The following GLG1 variants were observed in gnomAD, a reference collection of about 807,000 sequenced individuals.
GLG1 encodes the protein golgi glycoprotein 1.
GLG1 carries 38 observed loss-of-function variants against 160.5 expected under a neutral mutation model. The ratio of observed to expected loss-of-function variants is 0.24; its 90% CI spans 0.18 to 0.31. GLG1 has a LOEUF of 0.31. Among genes scored for constraint, GLG1 ranks in the 10% least tolerant of loss-of-function variants. GLG1 has a pLI of 1.00. For missense variants in GLG1, 1,373 were observed against 1,505.2 expected (o/e 0.91, Z 1.45); for synonymous variants, 644 against 543.4 (o/e 1.19, Z -2.57).
In GLG1 at chr16:74,469,131, G is replaced by C. The variant is rs994412470; in HGVS notation, c.2319-68C>G. 4.1e-6 allele frequency: 4 copies of C among 965,258 alleles called. No individual in the cohort carries two copies. In the African/African-American group the frequency reaches 6.4e-5, roughly 15 times the overall value. The allele number at this position is 965,258 out of a possible 1,614,324, so 59.8% of individuals were successfully genotyped here. A position where few individuals can be genotyped will look rare whatever the true frequency, so the allele number is the denominator to read the frequency against. ...GGCAGATGGCCTGAGAGCTGGGCTT[G>C]GGGGGGGTCACACCATTAAGAATTC... On this transcript the variant is annotated intron_variant, in intron 16 of 25. Transcript: ENST00000422840.
intron 13 of GLG1, 27 bp downstream of exon 13, chr16:74,474,519 C>G (rs778107147): frequency 2.8e-6 from 3 of 1,087,120 alleles, no homozygotes; most frequent in Admixed American, 3.4e-5. Flanking sequence ...CCACTCTCCT[C>G]CAATGAGTAA....
chr16:74,564,866 A>T (rs1422956390), intron 1 of GLG1, among the ~76,000 whole-genome samples: 3 of 152,200 alleles, frequency 2.0e-5, no homozygotes, highest in Non-Finnish European at 2.9e-5. Flanking sequence ...CTTTCCTAAA[A>T]ACAAGAGATC....
intron 16 of GLG1, chr16:74,469,416 C>T (rs2015118312): frequency 4.2e-6 from 1 of 239,482 alleles, no homozygotes; most frequent in Non-Finnish European, 8.2e-6. Context: ...GAAACTCACT[C>T]CTGAAAGGTA....
chr16:74,556,628 G>C (rs2018360880), intron 1 of GLG1, among the ~76,000 whole-genome samples: 1 of 151,834 alleles, frequency 6.6e-6, no homozygotes, highest in South Asian at 2.1e-4. Context: ...AGGCTGCAGT[G>C]AGCTAGGATT....
At chr16:74,500,879 G>A (rs1031688416) in intron 4 of GLG1, among the ~76,000 whole-genome samples, 1 of 152,088 alleles carries the variant, frequency 6.6e-6, no homozygotes, top group Non-Finnish European at 1.5e-5. Flanking sequence ...CTTTATTAAT[G>A]TATCTTCTTT....
At chr16:74,498,277 A>G (rs181218735) in intron 4 of GLG1, among the ~76,000 whole-genome samples, 7 of 149,994 alleles carry the variant, frequency 4.7e-5, no homozygotes, top group Admixed American at 3.3e-4. Flanking sequence ...CTAAAAATAC[A>G]AAATATCAGC....
At chr16:74,570,314 G>T (rs552346416) in intron 1 of GLG1, among the ~76,000 whole-genome samples, 1 of 152,164 alleles carries the variant, frequency 6.6e-6, no homozygotes, top group East Asian at 1.9e-4. Context: ...ACTGGTACCA[G>T]CAAACTACCA....
chr16:74,498,448 G>GTATATATATATATATATATATATGTA, intron 4 of GLG1, among the ~76,000 whole-genome samples: 1 of 24,054 alleles, frequency 4.2e-5, no homozygotes, highest in Admixed American at 6.8e-4. Context: ...AAAAAAAAAA[G>GTATATATATATATATATATATATGTA]TATATATATA....
In GLG1 at chr16:74,462,165, G is replaced by C. The variant is rs1027430393; in HGVS notation, c.2965C>G (p.Arg989Gly). 2 of 1,606,268 alleles carry C rather than the reference G, an allele frequency of 1.2e-6. No individual in the cohort carries two copies. The highest frequency in any genetic ancestry group is 8.5e-7 in the Non-Finnish European group (1 of 1,173,084). ...RLSSDCEDQI[R>G]IIIQESALDY... Reference sequence around the variant, plus strand: ...AGGGCGGACTCCTGGATAATGATTCGGATCTGGTCTTCACAGTCTGAAGAC... The same window carrying C: ...AGGGCGGACTCCTGGATAATGATTCCGATCTGGTCTTCACAGTCTGAAGAC... The change falls in exon 22 of 26, where the codon CGA becomes GGA. Residue 989 changes from arginine to glycine, a missense_variant. Physicochemically the swap from Arg to Gly is moderately radical, Grantham distance 125. Transcript: ENST00000422840.
At chr16:74,454,077 G>C (rs1295691984) in intron 25 of GLG1, among the ~76,000 whole-genome samples, 1 of 151,958 alleles carries the variant, frequency 6.6e-6, no homozygotes, top group Non-Finnish European at 1.5e-5. Context: ...GTTTCACTGT[G>C]TTGGGCAGGC....
Position 74,493,000 on chromosome 16 carries a change from C to G in GLG1, c.1191G>C (p.Arg397Ser). The change falls in exon 7 of 26, where the codon AGG (arginine) becomes AGC (serine). Residue 397 changes from arginine (R) to serine (S), a missense_variant. Coordinates refer to ENST00000422840, the MANE Select transcript of GLG1 (RefSeq NM_001145667.2). ...VENLPRSREARLSYLLMCLES... is the reference protein window; with the variant it reads ...VENLPRSREASLSYLLMCLES... ...CCAGGCACATTAACAAGTAGGAGAGCCTGGCTTCACGCGATCGCGGAAGGT... is the reference window on the plus strand; with the variant it reads ...CCAGGCACATTAACAAGTAGGAGAGGCTGGCTTCACGCGATCGCGGAAGGT... The G allele has an allele frequency of 6.2e-7, 1 of 1,613,650 alleles. No individual in the cohort carries two copies. Among genetic ancestry groups the G allele is most frequent in the Non-Finnish European group, 8.5e-7 (1 of 1,179,770 alleles).
At chr16:74,557,255 A>G (rs1278820271) in intron 1 of GLG1, among the ~76,000 whole-genome samples, 1 of 152,204 alleles carries the variant, frequency 6.6e-6, no homozygotes, top group East Asian at 1.9e-4. Context: ...GATTTGTTTG[A>G]CTTTTGTAGA....
Position 74,493,025 on chromosome 16 carries a change from T to G in GLG1, c.1166A>C (p.Asn389Thr), listed in dbSNP as rs1597262913. The change falls in exon 7 of 26, where the codon AAC (asparagine) becomes ACC (threonine). Residue 389 changes from asparagine (N) to threonine (T), a missense_variant. By Grantham distance (65) the Asn-to-Thr change is moderately conservative. Coordinates refer to ENST00000422840, the MANE Select transcript of GLG1 (RefSeq NM_001145667.2). ...CCTGGCTTCACGCGATCGCGGAAGG[T>G]TTTCCACATTGCACCGGTATTTCTT... ...DLKKYRCNVE[N>T]LPRSREARLS... 2 of 1,613,772 alleles carry G rather than the reference T, an allele frequency of 1.2e-6. No individual in the cohort carries two copies. Among genetic ancestry groups the G allele is most frequent in the African/African-American group, 1.3e-5 (1 of 74,974 alleles).
chr16:74,595,391 G>C (rs897179410), intron 1 of GLG1, among the ~76,000 whole-genome samples: 1 of 151,400 alleles, frequency 6.6e-6, no homozygotes, highest in African/African-American at 2.4e-5. Context: ...CAAAAAATTA[G>C]CCGGTCGTGG....
In GLG1 at chr16:74,540,036, T is replaced by TTA. The variant is rs1400701883; in HGVS notation, c.439-7885_439-7884dup. On this transcript the variant is annotated intron_variant, in intron 1 of 25. Coordinates refer to ENST00000422840, the MANE Select transcript of GLG1 (RefSeq NM_001145667.2). ...TTTATATATATATATTATATATATT[T>TTA]TATATATATATTATATATATTTTAT... 1.4e-3 allele frequency among the ~76,000 whole-genome samples: 25 copies of TTA among 17,654 alleles called. 6 individuals carry two copies. The highest frequency in any genetic ancestry group is 6.3e-3 in the African/African-American group (25 of 3,974). The allele number at this position is 17,654 out of a possible 152,430, so 11.6% of individuals were successfully genotyped here. A position where few individuals can be genotyped will look rare whatever the true frequency, so the allele number is the denominator to read the frequency against.
At chr16:74,534,606 A>C (rs1240060131) in intron 1 of GLG1, among the ~76,000 whole-genome samples, 1 of 151,916 alleles carries the variant, frequency 6.6e-6, no homozygotes, top group African/African-American at 2.4e-5. Flanking sequence ...TATATTAGCA[A>C]ATTAATTACT....
At position 74,543,973 on chromosome 16, in the gene GLG1, A is replaced by G. The variant is rs573038083; in HGVS notation, c.439-11820T>C. Among the ~76,000 whole-genome samples, 18 of 152,354 alleles carry G rather than the reference A, an allele frequency of 1.2e-4. No homozygotes were observed. The East Asian group carries it at 1.5e-3, about 13-fold the overall frequency. On this transcript the variant is annotated intron_variant, in intron 1 of 25. Transcript: ENST00000422840. ...AAATCTAATATGATTCCAGAAAAAC[A>G]GATGACTACCTTTCCAAGGAAGGGA...
At chr16:74,559,171 T>G (rs551745617) in intron 1 of GLG1, among the ~76,000 whole-genome samples, 1 of 152,338 alleles carries the variant, frequency 6.6e-6, no homozygotes, top group Admixed American at 6.5e-5. Context: ...GGGCCTGGCC[T>G]TTTATTTTTT....
At chr16:74,462,255 G>T in intron 21 of GLG1, 60 bp from the exon 22 acceptor site, 1 of 905,398 alleles carries the variant, frequency 1.1e-6, no homozygotes. Context: ...TTCTACAAAA[G>T]CAGGACATGA....
Sources: allele counts gnomAD v4.1 joint callset (sites outside exome capture counted in the v4.1 genomes callset), GRCh38; gene constraint gnomAD v4.1.1; transcripts MANE v1.5; gene names NCBI Gene and HGNC (gene_info 2026-07-23, HGNC 2026-07-21).